The following SMIM31 variants were observed in gnomAD, a reference collection of about 807,000 sequenced individuals.
SMIM31 encodes the protein human epithelial cell program regulator.
At chr4:164,787,544 T>TTTTC (rs1733041524) in intron 2 of SMIM31, 1 of 22,462 alleles carries the variant, frequency 4.5e-5, no homozygotes, top group African/African-American at 9.6e-4. Flanking sequence ...ACATTTGGGC[T>TTTTC]TTTTTTTTTT....
At chr4:164,783,030 C>G (rs563179295) in intron 2 of SMIM31, among the ~76,000 whole-genome samples, 1 of 151,074 alleles carries the variant, frequency 6.6e-6, no homozygotes, top group African/African-American at 2.4e-5. Context: ...CCAGCCTGGC[C>G]GACACAGTGA....
At chr4:164,791,617 A>G (rs1248621337) in intron 2 of SMIM31, among the ~76,000 whole-genome samples, 1 of 152,176 alleles carries the variant, frequency 6.6e-6, no homozygotes, top group East Asian at 1.9e-4. Context: ...CATTTCTAAC[A>G]AAGTAGTTAT....
intron 2 of SMIM31, among the ~76,000 whole-genome samples, chr4:164,799,162 G>C (rs1560833847): frequency 6.6e-6 from 1 of 152,008 alleles, no homozygotes; most frequent in Non-Finnish European, 1.5e-5. Context: ...AAAGAGGGTG[G>C]ATCCCTTGAA....
chr4:164,757,931 AT>A (rs1732586777), intron 1 of SMIM31, among the ~76,000 whole-genome samples: 1 of 151,712 alleles, frequency 6.6e-6, no homozygotes, highest in Non-Finnish European at 1.5e-5. Flanking sequence ...CAGCTTATCA[AT>A]TTCTACAAAA....
chr4:164,759,057 C>G (rs2110917319), intron 1 of SMIM31, among the ~76,000 whole-genome samples: 1 of 151,890 alleles, frequency 6.6e-6, no homozygotes, highest in Non-Finnish European at 1.5e-5. Context: ...GGGATAAACC[C>G]TGCTTACTCA....
At chr4:164,773,963 G>C (rs971246132) in intron 2 of SMIM31, among the ~76,000 whole-genome samples, 5 of 151,950 alleles carry the variant, frequency 3.3e-5, no homozygotes, top group Non-Finnish European at 2.9e-5. Flanking sequence ...TCAGGAGATC[G>C]AGACCATCCT....
rs539469156 is a variant in SMIM31 at position 164,754,358 on chromosome 4, G to T, written c.-79G>T. ...TCCCAAGACACTGAAGACTCTGTTT[G>T]AATCAGACTCACGGGTTCCTTCCTA... On this transcript the variant is annotated 5_prime_UTR_variant, in exon 1 of 3. It removes the in-frame stop codon of an upstream open reading frame in the 5' UTR. Transcript: ENST00000507311. 1.2e-4 allele frequency: 19 copies of T among 152,100 alleles called. No individual in the cohort carries two copies. Among genetic ancestry groups the T allele is most frequent in the African/African-American group, 4.6e-4 (19 of 41,510 alleles). 9.4% of individuals were successfully genotyped at this position (152,100 alleles called of 1,614,324 possible).
intron 2 of SMIM31, among the ~76,000 whole-genome samples, chr4:164,789,303 A>G (rs1733070087): frequency 6.6e-6 from 1 of 152,224 alleles, no homozygotes; most frequent in African/African-American, 2.4e-5. Flanking sequence ...CAGCAGAGGT[A>G]CAAATGAACT....
chr4:164,774,636 G>A (rs77031053), intron 2 of SMIM31, among the ~76,000 whole-genome samples: 2,578 of 152,258 alleles, frequency 0.017, 76 homozygotes, highest in African/African-American at 0.059. Context: ...TCAGAAAAGT[G>A]ATGCTCCCCA....
At chr4:164,774,960 AC>A (rs966631093) in intron 2 of SMIM31, among the ~76,000 whole-genome samples, 2 of 152,194 alleles carry the variant, frequency 1.3e-5, no homozygotes, top group African/African-American at 2.4e-5. Flanking sequence ...CATCCAAGGA[AC>A]TAGCTGGAGG....
chr4:164,786,996 T>C (rs1398698814), intron 2 of SMIM31, among the ~76,000 whole-genome samples: 1 of 152,224 alleles, frequency 6.6e-6, no homozygotes, highest in South Asian at 2.1e-4. Flanking sequence ...CACCAGTAAT[T>C]CTTTGCATAA....
At chr4:164,785,758 A>T (rs1170895258) in intron 2 of SMIM31, among the ~76,000 whole-genome samples, 2 of 150,630 alleles carry the variant, frequency 1.3e-5, no homozygotes, top group African/African-American at 5.0e-5. Context: ...ACATATATAT[A>T]TATATACACA....
Position 164,796,225 on chromosome 4 carries a change from C to T in SMIM31, c.113-4866C>T, listed in dbSNP as rs1470308561. Among the ~76,000 whole-genome samples the T allele has an allele frequency of 4.6e-5, 7 of 152,330 alleles. No individual in the cohort carries two copies. The South Asian group carries it at 8.3e-4, about 18-fold the overall frequency. Reference sequence around the variant, plus strand: ...AAATAAATTCTGTAGCATCACTTCTCATTCTGTTCTTTTTCTTCAGTTTGC... The same window carrying T: ...AAATAAATTCTGTAGCATCACTTCTTATTCTGTTCTTTTTCTTCAGTTTGC... On this transcript the variant is annotated intron_variant, in intron 2 of 2. Coordinates refer to ENST00000507311, the MANE Select transcript of SMIM31 (RefSeq NM_001352885.1).
intron 1 of SMIM31, among the ~76,000 whole-genome samples, chr4:164,765,787 A>C (rs1732712768): frequency 6.6e-6 from 1 of 152,210 alleles, no homozygotes; most frequent in Non-Finnish European, 1.5e-5. Flanking sequence ...TTTCTAATGT[A>C]GCAGGCTATA....
intron 1 of SMIM31, among the ~76,000 whole-genome samples, chr4:164,755,543 G>A (rs189370112): frequency 0.24 from 2,430 of 10,140 alleles, 103 homozygotes; most frequent in East Asian, 0.4. Context: ...GAGGAGAGGA[G>A]GGGAGGGGAG....
At chr4:164,790,850 A>T (rs1481116240) in intron 2 of SMIM31, among the ~76,000 whole-genome samples, 1 of 152,160 alleles carries the variant, frequency 6.6e-6, no homozygotes, top group Non-Finnish European at 1.5e-5. Context: ...AAAATAAAAG[A>T]CCTTAACAAT....
intron 2 of SMIM31, among the ~76,000 whole-genome samples, chr4:164,798,682 G>A (rs920201907): frequency 1.3e-5 from 2 of 152,302 alleles, no homozygotes; most frequent in African/African-American, 2.4e-5. Flanking sequence ...TCCGAAGACC[G>A]GAGAACCAGG....
chr4:164,775,012 C>T (rs903052260), intron 2 of SMIM31, among the ~76,000 whole-genome samples: 3 of 152,338 alleles, frequency 2.0e-5, no homozygotes, highest in South Asian at 2.1e-4. Context: ...ATGGGCCAGA[C>T]ATTTGGGTCT....
chr4:164,771,590 A>G (rs1732802993), intron 2 of SMIM31, among the ~76,000 whole-genome samples: 1 of 152,002 alleles, frequency 6.6e-6, no homozygotes, highest in South Asian at 2.1e-4. Context: ...TCACGAGGTC[A>G]GGAGATCAAG....
Sources: gnomAD v4.1 joint callset for allele counts (sites outside exome capture counted in the v4.1 genomes callset) on GRCh38, gnomAD v4.1.1 for gene constraint, MANE v1.5 for transcripts, NCBI Gene and HGNC (gene_info 2026-07-23, HGNC 2026-07-21) for gene names.